The following CDKAL1 variants were observed in gnomAD, a reference collection of about 807,000 sequenced individuals.
CDKAL1 encodes threonylcarbamoyladenosine tRNA methylthiotransferase.
A neutral mutation model predicts 68.2 loss-of-function variants in CDKAL1; 32 were observed. The observed-to-expected ratio is 0.47, with a 90% CI of 0.35 to 0.63. The LOEUF is 0.63. Ranked by LOEUF, CDKAL1 falls within the 30% of genes least tolerant of loss-of-function variation. The probability of loss-of-function intolerance (pLI) is 0.00; values close to 1 mark genes in which losing one functional copy is unlikely to be tolerated. For synonymous variants in CDKAL1, 234 were observed against 244.3 expected, an observed-to-expected ratio of 0.96 and a Z score of 0.39; for missense variants, 606 against 696.7, an observed-to-expected ratio of 0.87 and a Z score of 1.47.
chr6:20,616,579 GTT>G (rs1766913510), intron 4 of CDKAL1, among the ~76,000 whole-genome samples: 1 of 146,374 alleles, frequency 6.8e-6, no homozygotes, highest in Non-Finnish European at 1.5e-5. Flanking sequence ...TTGGCTCTCT[GTT>G]TGTCTGTTAT....
chr6:20,708,270 G>T (rs188159204), intron 5 of CDKAL1, among the ~76,000 whole-genome samples: 1 of 151,982 alleles, frequency 6.6e-6, no homozygotes, highest in African/African-American at 2.4e-5. Context: ...AAGAAATTTG[G>T]GATAATTTTT....
intron 5 of CDKAL1, among the ~76,000 whole-genome samples, chr6:20,733,206 A>AGCT (rs1476609006): frequency 2.6e-5 from 4 of 152,228 alleles, no homozygotes; most frequent in Non-Finnish European, 5.9e-5. Flanking sequence ...ACTGTCCCAC[A>AGCT]GCTACTTGCA....
chr6:20,987,400 G>A (rs1270208618), intron 10 of CDKAL1, among the ~76,000 whole-genome samples: 1 of 151,716 alleles, frequency 6.6e-6, no homozygotes, highest in Non-Finnish European at 1.5e-5. Context: ...GACTATAGGT[G>A]TGCACCACCA....
At chr6:20,773,932 G>T (rs1202675918) in intron 7 of CDKAL1, among the ~76,000 whole-genome samples, 1 of 152,044 alleles carries the variant, frequency 6.6e-6, no homozygotes, top group Admixed American at 6.6e-5. Flanking sequence ...CATCGTGTTG[G>T]ATTGCTTCAC....
chr6:21,225,567 T>C (rs1467550747), intron 15 of CDKAL1, among the ~76,000 whole-genome samples: 2 of 152,182 alleles, frequency 1.3e-5, no homozygotes, highest in African/African-American at 2.4e-5. Context: ...TGTGGGCACA[T>C]TACTTCTATT....
At chr6:20,899,345 G>C (rs1349417687) in intron 9 of CDKAL1, among the ~76,000 whole-genome samples, 2 of 152,118 alleles carry the variant, frequency 1.3e-5, no homozygotes, top group Non-Finnish European at 1.5e-5. Context: ...TTACAGGCTT[G>C]AGCCACTGCG....
In CDKAL1 at chr6:21,218,758, T is replaced by A. The variant is rs923470230; in HGVS notation, c.1549-12090T>A. Among the ~76,000 whole-genome samples, 12 of 152,268 alleles carry A rather than the reference T, an allele frequency of 7.9e-5. No individual in the cohort carries two copies. The East Asian group carries it at 2.1e-3, about 27-fold the overall frequency. On this transcript the variant is annotated intron_variant, in intron 15 of 15. Transcript: ENST00000274695. ...GAGAGAGAGATGGAAGCTACAGTAC[T>A]TTGTAACCTAATTTTGGAAGTGGCA...
intron 13 of CDKAL1, among the ~76,000 whole-genome samples, chr6:21,129,704 A>AG (rs1259442922): frequency 4.0e-5 from 6 of 150,798 alleles, no homozygotes; most frequent in Admixed American, 1.3e-4. Context: ...AAAAAAAAAA[A>AG]AGGAAAAAAT....
In CDKAL1 at chr6:20,985,173, G is replaced by A. The variant is rs535808683; in HGVS notation, c.910-15054G>A. ...TCCATTCATATGTATGTTGCATAAT[G>A]ATCAAACAGGGTATTTAGCTTGAAC... On this transcript the variant is annotated intron_variant, in intron 10 of 15. Coordinates refer to ENST00000274695, the MANE Select transcript of CDKAL1 (RefSeq NM_017774.3). 1.2e-4 allele frequency among the ~76,000 whole-genome samples: 18 copies of A among 152,116 alleles called. 1 individual carries two copies. The highest frequency in any genetic ancestry group is 2.4e-4 in the Non-Finnish European group (16 of 68,022).
chr6:21,191,017 A>G (rs1018872174), intron 13 of CDKAL1, among the ~76,000 whole-genome samples: 1 of 152,250 alleles, frequency 6.6e-6, no homozygotes, highest in Non-Finnish European at 1.5e-5. Context: ...AAAGCCATAT[A>G]TGAGTTTAAG....
chr6:20,942,822 G>A (rs1172079112), intron 9 of CDKAL1, among the ~76,000 whole-genome samples: 3 of 150,278 alleles, frequency 2.0e-5, no homozygotes, highest in Non-Finnish European at 4.4e-5. Flanking sequence ...AGGCATGGTG[G>A]CGTGTGCCTG....
chr6:21,029,478 A>T (rs1769145266), intron 11 of CDKAL1, among the ~76,000 whole-genome samples: 1 of 152,184 alleles, frequency 6.6e-6, no homozygotes, highest in Non-Finnish European at 1.5e-5. Context: ...GGTCTTGGCA[A>T]ATGGGATCTA....
intron 10 of CDKAL1, among the ~76,000 whole-genome samples, chr6:20,973,469 G>A (rs368063151): frequency 6.6e-6 from 1 of 152,300 alleles, no homozygotes; most frequent in African/African-American, 2.4e-5. Flanking sequence ...TCCAAAGGCT[G>A]TGGAGGGAAA....
At chr6:20,760,980 G>A (rs890976331) in intron 7 of CDKAL1, among the ~76,000 whole-genome samples, 2 of 152,126 alleles carry the variant, frequency 1.3e-5, no homozygotes, top group African/African-American at 2.4e-5. Flanking sequence ...AAGCCACAGA[G>A]TGGGAGAAAA....
chr6:20,781,473 T>G (rs1439295346), intron 8 of CDKAL1, among the ~76,000 whole-genome samples: 2 of 152,216 alleles, frequency 1.3e-5, no homozygotes, highest in Non-Finnish European at 2.9e-5. Flanking sequence ...ACTTTAATAT[T>G]ATTCCCATTT....
At chr6:20,714,875 C>T (rs1234263043) in intron 5 of CDKAL1, among the ~76,000 whole-genome samples, 1 of 152,144 alleles carries the variant, frequency 6.6e-6, no homozygotes, top group Non-Finnish European at 1.5e-5. Flanking sequence ...AATCACTTTG[C>T]ATCATGCTAT....
chr6:20,672,280 T>TTC (rs1362727062), intron 5 of CDKAL1, among the ~76,000 whole-genome samples: 53 of 125,090 alleles, frequency 4.2e-4, no homozygotes, highest in Non-Finnish European at 2.5e-4. Context: ...TTTTCTTTCT[T>TTC]TCTCTCTCTC....
chr6:20,752,031 C>T (rs1773943618), intron 6 of CDKAL1, among the ~76,000 whole-genome samples: 1 of 151,694 alleles, frequency 6.6e-6, no homozygotes. Flanking sequence ...TGCCTCCCAC[C>T]CTTCATTTTT....
At position 20,625,264 on chromosome 6, in the gene CDKAL1, A is replaced by T. The variant is rs117762198; in HGVS notation, c.287-24029A>T. On this transcript the variant is annotated intron_variant, in intron 4 of 15. Coordinates refer to ENST00000274695, the MANE Select transcript of CDKAL1 (RefSeq NM_017774.3). ...GCAAACTTCTTTTGAGTAGATGATA[A>T]AACTCTTAAATTTTTTACCTGGGTG... Among the ~76,000 whole-genome samples the T allele has an allele frequency of 1.1e-3, 173 of 152,224 alleles. 4 individuals are homozygous for T. In the East Asian group the frequency reaches 0.028, roughly 24 times the overall value.
Sources: gnomAD v4.1 joint callset for allele counts (sites outside exome capture counted in the v4.1 genomes callset) on GRCh38, gnomAD v4.1.1 for gene constraint, MANE v1.5 for transcripts, NCBI Gene and HGNC (gene_info 2026-07-23, HGNC 2026-07-21) for gene names.